The following ASB10 variants were observed in gnomAD, a reference collection of about 807,000 sequenced individuals.
ASB10 encodes the protein ankyrin repeat and SOCS box protein 10.
A neutral mutation model predicts 35.4 loss-of-function variants in ASB10; 44 were observed. That is an observed-to-expected ratio of 1.24 (90% CI 0.98 to 1.60). ASB10 has a LOEUF of 1.60. ASB10 is among the 40% of genes most tolerant of loss of function. The probability of loss-of-function intolerance (pLI) is 0.00; values close to 1 mark genes in which losing one functional copy is unlikely to be tolerated. For synonymous variants in ASB10, 294 were observed against 280.4 expected (o/e 1.05, Z -0.49); for missense variants, 647 against 634.3 (o/e 1.02, Z -0.22).
At chr7:151,180,731 C>T (rs139866299) in intron 3 of ASB10, among the ~76,000 whole-genome samples, 9 of 152,140 alleles carry the variant, frequency 5.9e-5, no homozygotes, top group Admixed American at 2.0e-4. Flanking sequence ...TATACACATG[C>T]ACACACACAT....
intron 2 of ASB10, among the ~76,000 whole-genome samples, chr7:151,185,158 G>A (rs1191792289): frequency 7.5e-6 from 1 of 132,942 alleles, no homozygotes; most frequent in African/African-American, 2.9e-5. Context: ...TTGTCTCCCA[G>A]GCTGGAGTGC....
At chr7:151,179,950 T>C (rs2150556604) in intron 3 of ASB10, among the ~76,000 whole-genome samples, 1 of 152,356 alleles carries the variant, frequency 6.6e-6, no homozygotes, top group Admixed American at 6.5e-5. Flanking sequence ...TCTGCCGAAC[T>C]CTTGGGCTGT....
intron 3 of ASB10, 152 bp downstream of exon 3, chr7:151,180,787 C>T: frequency 1.5e-6 from 2 of 1,351,030 alleles, no homozygotes; most frequent in Non-Finnish European, 9.7e-7. Context: ...ACCTTGACCC[C>T]TATTTGGGCT....
At chr7:151,186,338 C>A in intron 2 of ASB10, 54 bp downstream of exon 2, 3 of 1,512,066 alleles carry the variant, frequency 2.0e-6, no homozygotes, top group South Asian at 2.6e-5. Context: ...CCTGAGAAGG[C>A]CTCTTTGCTT....
chr7:151,178,281 C>T (rs1296722418), intron 3 of ASB10, among the ~76,000 whole-genome samples: 1 of 152,090 alleles, frequency 6.6e-6, no homozygotes, highest in Non-Finnish European at 1.5e-5. Flanking sequence ...GGGGACTGAG[C>T]ATGGTTGGGG....
chr7:151,187,547 A>G (rs104886468), upstream of ASB10: 71 of 1,551,388 alleles, frequency 4.6e-5, no homozygotes, highest in Non-Finnish European at 5.8e-5. This position sits in a 1 kb window ranked among gnomAD's most constrained non-coding sequence, Gnocchi z 5.3. Context: ...CAACCTTGCC[A>G]GGTCCCCGGT....
chr7:151,177,951 T>C (rs950007656), intron 3 of ASB10, among the ~76,000 whole-genome samples: 1 of 152,124 alleles, frequency 6.6e-6, no homozygotes, highest in African/African-American at 2.4e-5. Flanking sequence ...GCTGCTGCAA[T>C]GAAAAATAAG....
rs770356435 is a variant in ASB10 at position 151,176,592 on chromosome 7, C to T, written c.1189G>A (p.Val397Ile). The T allele has an allele frequency of 5.8e-6, 9 of 1,551,202 alleles. No homozygotes were observed. The highest frequency in any genetic ancestry group is 1.4e-5 in the African/African-American group (1 of 73,024). The change falls in exon 4 of 6, where the codon GTC (valine) becomes ATC (isoleucine). Residue 397 changes from valine (V) to isoleucine (I), a missense_variant. Val to Ile is a conservative substitution (Grantham distance 29). Transcript: ENST00000420175. ...AGAGTTTCAGGAGTCACCAGGCCGACGGCCTCCTCGGGAAGCTGCACAACA... is the reference window on the plus strand; with the variant it reads ...AGAGTTTCAGGAGTCACCAGGCCGATGGCCTCCTCGGGAAGCTGCACAACA... ...YSVVQLPEEA[V>I]GLVTPETLQK...
At position 151,175,765 on chromosome 7, in the gene ASB10, C is replaced by A. The variant is rs1158225894; in HGVS notation, c.*202G>T. On this transcript the variant is annotated 3_prime_UTR_variant, in exon 6 of 6. Transcript: ENST00000420175. ...GGCTAGAAGGGGGCCTCAGGAGAGCCCCAGTAGGAGTGTGTCTTCATCAGA... is the reference window on the plus strand; with the variant it reads ...GGCTAGAAGGGGGCCTCAGGAGAGCACCAGTAGGAGTGTGTCTTCATCAGA... 1 of 295,890 alleles carries A rather than the reference C, an allele frequency of 3.4e-6. No individual in the cohort carries two copies. The highest frequency in any genetic ancestry group is 6.3e-6 in the Non-Finnish European group (1 of 157,678). 18.3% of individuals were successfully genotyped at this position (295,890 alleles called of 1,614,324 possible). A position where few individuals can be genotyped will look rare whatever the true frequency, so the allele number is the denominator to read the frequency against.
chr7:151,186,670 G>T lies in ASB10; in HGVS notation c.317-11C>A, dbSNP rs766627966. ...TCAGAGACCAGAGTCCTAGGGAGGG[G>T]AGACGTGGGCCTCAGATCCCCAGGG... On this transcript the variant is annotated splice_polypyrimidine_tract_variant and intron_variant, in intron 1 of 5. Coordinates refer to ENST00000420175, the MANE Select transcript of ASB10 (RefSeq NM_001142459.2). 2 of 1,595,380 alleles carry T rather than the reference G, an allele frequency of 1.3e-6. No homozygotes were observed. The highest frequency in any genetic ancestry group is 2.2e-5 in the South Asian group (2 of 89,396).
At chr7:151,187,723 G>A, upstream of ASB10, 1 of 1,466,710 alleles carries the variant, frequency 6.8e-7, no homozygotes, top group Non-Finnish European at 9.1e-7. The surrounding 1 kb of genome is among the most constrained non-coding windows in gnomAD (Gnocchi z 5.3). Context: ...CCCAGGGCAT[G>A]GCTTGTTCTG....
chr7:151,178,943 A>G (rs1290737410), intron 3 of ASB10, among the ~76,000 whole-genome samples: 1 of 152,034 alleles, frequency 6.6e-6, no homozygotes, highest in Non-Finnish European at 1.5e-5. Context: ...CACTGGGCTC[A>G]AGTAGCTCGC....
At chr7:151,183,624 C>T (rs1191174828) in intron 2 of ASB10, among the ~76,000 whole-genome samples, 3 of 152,144 alleles carry the variant, frequency 2.0e-5, no homozygotes, top group Non-Finnish European at 4.4e-5. Flanking sequence ...TTCCCTCTTT[C>T]GCCCAGGCTG....
At chr7:151,185,112 CTT>C (rs751001812) in intron 2 of ASB10, among the ~76,000 whole-genome samples, 31 of 127,964 alleles carry the variant, frequency 2.4e-4, no homozygotes, top group South Asian at 2.5e-4. Context: ...ACATATTTGT[CTT>C]TTTTTTTTTT....
intron 4 of ASB10, 28 bp downstream of exon 4, chr7:151,176,535 C>T: frequency 4.5e-6 from 7 of 1,538,938 alleles, no homozygotes; most frequent in Non-Finnish European, 6.2e-6. Flanking sequence ...GGATGAGAAG[C>T]TCTATGTTCA....
intron 3 of ASB10, among the ~76,000 whole-genome samples, chr7:151,180,156 C>A (rs1405940955): frequency 6.6e-6 from 1 of 152,206 alleles, no homozygotes; most frequent in African/African-American, 2.4e-5. Flanking sequence ...AACGGATGTC[C>A]CCATCCCAGA....
chr7:151,177,671 C>A (rs1354618733), intron 3 of ASB10, among the ~76,000 whole-genome samples: 2 of 152,118 alleles, frequency 1.3e-5, no homozygotes, highest in African/African-American at 4.8e-5. Context: ...AACCCCAGAG[C>A]CTGGAGGGTA....
chr7:151,183,403 C>G (rs1801529985), intron 2 of ASB10, among the ~76,000 whole-genome samples: 1 of 152,062 alleles, frequency 6.6e-6, no homozygotes, highest in African/African-American at 2.4e-5. Flanking sequence ...GAGACCCTAT[C>G]TCTCTCTCTT....
Position 151,186,424 on chromosome 7 carries a change from G to A in ASB10, c.552C>T (p.Pro184=), listed in dbSNP as rs1299911303. The A allele has an allele frequency of 1.3e-6, 2 of 1,588,070 alleles. No individual in the cohort carries two copies. Among genetic ancestry groups the A allele is most frequent in the South Asian group, 1.1e-5 (1 of 87,222 alleles). ...PNIADQDGKR[P]LHLCRGPGTL... is the part of the protein sequence containing the mutation. ...TGCCAGGCCCCCGGCAGAGATGCAG[G>A]GGGCGTTTCCCATCCTGGTCAGCGA... The change falls in exon 2 of 6, where the codon CCC becomes CCT. Residue 184 remains proline, a synonymous_variant. Transcript: ENST00000420175.
Sources: allele counts gnomAD v4.1 joint callset (sites outside exome capture counted in the v4.1 genomes callset), GRCh38; gene constraint gnomAD v4.1.1; non-coding constraint Gnocchi (gnomAD v3.1); transcripts MANE v1.5; gene names NCBI Gene and HGNC (gene_info 2026-07-23, HGNC 2026-07-21).